The following ACYP2 variants were observed in gnomAD, a reference collection of about 807,000 sequenced individuals.
ACYP2 encodes the protein acylphosphatase 2.
A neutral mutation model predicts 11.2 loss-of-function variants in ACYP2; 12 were observed. That is an observed-to-expected ratio of 1.08 (90% confidence interval 0.69 to 1.74). ACYP2 has a LOEUF of 1.74. ACYP2 is among the 40% of genes most tolerant of loss of function. The pLI, the probability that ACYP2 is intolerant of heterozygous loss-of-function variation, is 0.00. For synonymous variants in ACYP2, 43 were observed against 32.2 expected, an observed-to-expected ratio of 1.33 and a Z score of -1.13; for missense variants, 134 against 101.9, an observed-to-expected ratio of 1.31 and a Z score of -1.35.
chr2:54,204,108 T>TCTCA (rs1684971839), intron 6 of ACYP2, among the ~76,000 whole-genome samples: 1 of 152,138 alleles, frequency 6.6e-6, no homozygotes, highest in African/African-American at 2.4e-5. Flanking sequence ...GATTCACCTG[T>TCTCA]CTCAGCCTCC....
At chr2:54,158,411 G>A (rs1466943347) in intron 6 of ACYP2, among the ~76,000 whole-genome samples, 2 of 151,468 alleles carry the variant, frequency 1.3e-5, no homozygotes, top group Non-Finnish European at 2.9e-5. Flanking sequence ...TCACTGTGTT[G>A]CCCAGCCTGT....
At chr2:54,198,787 G>C (rs1019327014) in intron 6 of ACYP2, among the ~76,000 whole-genome samples, 1 of 152,100 alleles carries the variant, frequency 6.6e-6, no homozygotes, top group African/African-American at 2.4e-5. Flanking sequence ...TGATATTACC[G>C]AACTTACATT....
intron 4 of ACYP2, among the ~76,000 whole-genome samples, chr2:54,096,695 T>A (rs1048866936): frequency 2.6e-5 from 4 of 152,124 alleles, no homozygotes; most frequent in African/African-American, 9.7e-5. Flanking sequence ...CAGTCAGGTG[T>A]GGCGGCGCGC....
At chr2:54,138,216 T>C (rs1681375803) in intron 5 of ACYP2, among the ~76,000 whole-genome samples, 1 of 152,220 alleles carries the variant, frequency 6.6e-6, no homozygotes, top group African/African-American at 2.4e-5. Flanking sequence ...CAATACTCTA[T>C]GTTGATCATA....
At chr2:54,026,457 G>T (rs1674291353) in intron 2 of ACYP2, among the ~76,000 whole-genome samples, 2 of 152,162 alleles carry the variant, frequency 1.3e-5, no homozygotes, top group African/African-American at 2.4e-5. Flanking sequence ...TACACTGCTG[G>T]TGGGAATGTA....
At chr2:54,058,993 T>A (rs922478281) in intron 4 of ACYP2, among the ~76,000 whole-genome samples, 1 of 152,118 alleles carries the variant, frequency 6.6e-6, no homozygotes, top group African/African-American at 2.4e-5. Context: ...TTTGGAAAGT[T>A]TCTGGTTGGA....
chr2:54,069,866 A>C (rs1030799673), intron 4 of ACYP2, among the ~76,000 whole-genome samples: 1 of 152,232 alleles, frequency 6.6e-6, no homozygotes, highest in Non-Finnish European at 1.5e-5. Context: ...AACATTAGTC[A>C]CTAAAATATG....
chr2:54,056,672 T>C (rs1676169685), intron 3 of ACYP2, among the ~76,000 whole-genome samples: 1 of 152,210 alleles, frequency 6.6e-6, no homozygotes. Flanking sequence ...ATTTTTCCCA[T>C]GGAAGGGCTT....
intron 2 of ACYP2, among the ~76,000 whole-genome samples, chr2:53,993,090 C>G (rs571021632): frequency 1.6e-4 from 25 of 152,058 alleles, no homozygotes; most frequent in African/African-American, 5.8e-4. Context: ...CTTATAGTCC[C>G]AGATACTTGG....
chr2:54,058,664 A>G (rs1676293109), intron 4 of ACYP2, among the ~76,000 whole-genome samples: 1 of 151,906 alleles, frequency 6.6e-6, no homozygotes, highest in African/African-American at 2.4e-5. Flanking sequence ...GGCAGTTAAG[A>G]CAGGTTTACT....
chr2:54,249,589 T>C (rs757294372), intron 6 of ACYP2, among the ~76,000 whole-genome samples: 8 of 152,154 alleles, frequency 5.3e-5, no homozygotes, highest in Non-Finnish European at 7.3e-5. Context: ...GGAAAACTTA[T>C]ATTTAAGGGG....
chr2:54,247,387 A>G (rs1687006494), intron 6 of ACYP2, among the ~76,000 whole-genome samples: 1 of 152,158 alleles, frequency 6.6e-6, no homozygotes, highest in South Asian at 2.1e-4. Flanking sequence ...TTGTCTTCCA[A>G]ATGCTGTTGG....
intron 2 of ACYP2, among the ~76,000 whole-genome samples, chr2:54,045,521 A>T (rs1408179394): frequency 6.6e-6 from 1 of 152,164 alleles, no homozygotes; most frequent in East Asian, 1.9e-4. Context: ...AAACTCATAA[A>T]ATTGTGGAAC....
At chr2:54,170,743 A>C (rs1683190436) in intron 6 of ACYP2, among the ~76,000 whole-genome samples, 1 of 152,178 alleles carries the variant, frequency 6.6e-6, no homozygotes, top group South Asian at 2.1e-4. Context: ...AGATTTGGAT[A>C]GGCAAAAGGA....
intron 4 of ACYP2, among the ~76,000 whole-genome samples, chr2:54,122,365 G>A (rs1197016260): frequency 1.3e-5 from 2 of 152,188 alleles, no homozygotes; most frequent in South Asian, 4.1e-4. Flanking sequence ...CAGTTGTAGT[G>A]GACTGGACCT....
chr2:54,298,144 TAAGTA>T (rs1372891266), intron 6 of ACYP2, among the ~76,000 whole-genome samples: 1 of 152,206 alleles, frequency 6.6e-6, no homozygotes, highest in Non-Finnish European at 1.5e-5. Flanking sequence ...GTTTAGGGAT[TAAGTA>T]AATATATCAA....
intron 4 of ACYP2, among the ~76,000 whole-genome samples, chr2:54,111,690 A>G (rs1211423525): frequency 6.6e-6 from 1 of 152,250 alleles, no homozygotes; most frequent in East Asian, 1.9e-4. Flanking sequence ...TTTTACCTAT[A>G]AAGTATTCCT....
At chr2:54,208,986 CT>C (rs60260017) in intron 6 of ACYP2, among the ~76,000 whole-genome samples, 47 of 145,470 alleles carry the variant, frequency 3.2e-4, no homozygotes, top group African/African-American at 6.1e-4. Flanking sequence ...TTTGCTTTTA[CT>C]TTTTTTTTTT....
intron 2 of ACYP2, among the ~76,000 whole-genome samples, chr2:54,009,557 C>T (rs1164216921): frequency 2.0e-5 from 3 of 151,952 alleles, no homozygotes; most frequent in Admixed American, 6.6e-5. Flanking sequence ...CTGGGGGACA[C>T]GAGTGAAACT....
Sources: gnomAD v4.1 joint callset for allele counts (sites outside exome capture counted in the v4.1 genomes callset) on GRCh38, gnomAD v4.1.1 for gene constraint, MANE v1.5 for transcripts, NCBI Gene and HGNC (gene_info 2026-07-23, HGNC 2026-07-21) for gene names.